NPAS3: variants seen among roughly 807,000 people sequenced by gnomAD.
NPAS3 encodes the protein neuronal PAS domain protein 3, also known as neuronal PAS domain-containing protein 3.
A neutral mutation model predicts 73.1 loss-of-function variants in NPAS3; 14 were observed. That is an observed-to-expected ratio of 0.19 (90% CI 0.13 to 0.30). The LOEUF is 0.30. NPAS3 is among the 10% of genes least tolerant of loss of function. The probability of loss-of-function intolerance (pLI) is 1.00; values close to 1 mark genes in which losing one functional copy is unlikely to be tolerated. For synonymous variants in NPAS3, 620 were observed against 541.5 expected (o/e 1.14, Z -2.01); for missense variants, 1,096 against 1,250.0 (o/e 0.88, Z 1.86).
chr14:33,201,730 T>C (rs568999567), intron 2 of NPAS3, among the ~76,000 whole-genome samples: 1 of 152,288 alleles, frequency 6.6e-6, no homozygotes, highest in African/African-American at 2.4e-5. Flanking sequence ...GGATTATAGG[T>C]TCTGATACTA....
intron 5 of NPAS3, among the ~76,000 whole-genome samples, chr14:33,657,789 T>TAAA (rs34461549): frequency 6.7e-6 from 1 of 149,564 alleles, no homozygotes; most frequent in Non-Finnish European, 1.5e-5. Context: ...GCAGATTATG[T>TAAA]AAAAAAAAAA....
intron 5 of NPAS3, 102 bp downstream of exon 5, chr14:33,560,312 A>T (rs533756945): frequency 1.5e-5 from 9 of 618,684 alleles, no homozygotes; most frequent in Middle Eastern, 5.2e-4. Context: ...TGAATTATCA[A>T]ATGTATTATT....
chr14:32,986,983 T>G (rs1405136842), intron 1 of NPAS3, among the ~76,000 whole-genome samples: 1 of 152,186 alleles, frequency 6.6e-6, no homozygotes, highest in Non-Finnish European at 1.5e-5. Context: ...CTGTTTTCAG[T>G]GCAGAGGGCT....
In NPAS3 at chr14:33,009,740, G is replaced by A. The variant is rs2039125569; in HGVS notation, c.51-46165G>A. ...TTCATTATAAAGGTGAGGAACCTAG[G>A]TTTAGAGAGATCACATAACTGGCCA... is the stretch of plus-strand genomic sequence containing the variant. On this transcript the variant is annotated intron_variant, in intron 1 of 11. Coordinates refer to ENST00000356141, the Ensembl canonical transcript of NPAS3. Among the ~76,000 whole-genome samples, 3 of 152,194 alleles carry A rather than the reference G, an allele frequency of 2.0e-5. No homozygotes were observed. The South Asian group carries it at 6.2e-4, about 32-fold the overall frequency.
chr14:33,700,748 A>T (rs2060503369), intron 6 of NPAS3, among the ~76,000 whole-genome samples: 1 of 152,244 alleles, frequency 6.6e-6, no homozygotes, highest in South Asian at 2.1e-4. Context: ...GGACTTATAA[A>T]GCAAGTGTGC....
At chr14:33,279,782 A>G (rs868043681) in intron 3 of NPAS3, among the ~76,000 whole-genome samples, 15 of 152,202 alleles carry the variant, frequency 9.9e-5, no homozygotes, top group Non-Finnish European at 1.9e-4. Flanking sequence ...GTCAGAATAC[A>G]AAGTATTCTA....
At chr14:33,652,803 C>T (rs1035798369) in intron 5 of NPAS3, among the ~76,000 whole-genome samples, 1 of 152,202 alleles carries the variant, frequency 6.6e-6, no homozygotes, top group African/African-American at 2.4e-5. Context: ...ACCAGGCCAC[C>T]TTTTGTCCAC....
Position 33,062,006 on chromosome 14 carries a change from G to A in NPAS3, c.140+6012G>A, listed in dbSNP as rs932150373. 2.6e-5 allele frequency among the ~76,000 whole-genome samples: 4 copies of A among 152,264 alleles called. No individual in the cohort carries two copies. The South Asian group carries it at 8.3e-4, about 32-fold the overall frequency. On this transcript the variant is annotated intron_variant, in intron 2 of 11. Transcript: ENST00000356141. ...GGTGTGGCAAATTGCAAAGGACACAGGCAGAAGTGGAGGGCTGGGGAACGG... is the reference window on the plus strand; with the variant it reads ...GGTGTGGCAAATTGCAAAGGACACAAGCAGAAGTGGAGGGCTGGGGAACGG...
chr14:33,606,537 A>G (rs1332077753), intron 5 of NPAS3, among the ~76,000 whole-genome samples: 2 of 149,714 alleles, frequency 1.3e-5, no homozygotes, highest in Non-Finnish European at 3.0e-5. Flanking sequence ...TGGGATATTC[A>G]TTCATATGCA....
intron 3 of NPAS3, among the ~76,000 whole-genome samples, chr14:33,278,172 G>A (rs914322948): frequency 2.5e-4 from 38 of 152,126 alleles, no homozygotes; most frequent in Admixed American, 3.9e-4. Context: ...GGAAACACAC[G>A]AGTTTGGAAT....
intron 2 of NPAS3, among the ~76,000 whole-genome samples, chr14:33,072,341 C>G (rs1473685802): frequency 6.6e-6 from 1 of 152,216 alleles, no homozygotes; most frequent in African/African-American, 2.4e-5. Flanking sequence ...TAGAAAACAA[C>G]TTCAGTTGTT....
At chr14:33,071,883 G>GT (rs964364861) in intron 2 of NPAS3, among the ~76,000 whole-genome samples, 5 of 151,840 alleles carry the variant, frequency 3.3e-5, no homozygotes, top group Admixed American at 2.6e-4. Flanking sequence ...GAGATTCTGT[G>GT]TTTTTTTTCT....
At chr14:33,053,863 A>G (rs2040794527) in intron 1 of NPAS3, among the ~76,000 whole-genome samples, 1 of 152,214 alleles carries the variant, frequency 6.6e-6, no homozygotes, top group Admixed American at 6.5e-5. Context: ...AGAGCCAGGT[A>G]ACATTGACTA....
intron 5 of NPAS3, among the ~76,000 whole-genome samples, chr14:33,587,071 C>A (rs922403589): frequency 6.6e-6 from 1 of 152,156 alleles, no homozygotes; most frequent in Non-Finnish European, 1.5e-5. Context: ...TTTCATTCTT[C>A]TTTTGCCTTA....
intron 3 of NPAS3, among the ~76,000 whole-genome samples, chr14:33,247,831 T>A (rs182375447): frequency 6.6e-6 from 1 of 152,360 alleles, no homozygotes; most frequent in Non-Finnish European, 1.5e-5. Context: ...AAGTGTGGGT[T>A]ACAAGATGAA....
chr14:33,312,121 G>A lies in NPAS3; in HGVS notation c.386-55065G>A, dbSNP rs76461637. Among the ~76,000 whole-genome samples, 1,440 of 152,192 alleles carry A rather than the reference G, an allele frequency of 9.5e-3. 85 individuals carry two copies. The East Asian group carries it at 0.14, about 15-fold the overall frequency. ...TCACATTATAACGTGGGTGTCATTA[G>A]GAGAGAATATTGAGCTATTAACAAA... On this transcript the variant is annotated intron_variant, in intron 3 of 11. Transcript: ENST00000356141.
At chr14:33,520,414 T>C (rs1205886354) in intron 4 of NPAS3, among the ~76,000 whole-genome samples, 1 of 152,116 alleles carries the variant, frequency 6.6e-6, no homozygotes, top group African/African-American at 2.4e-5. Context: ...AGGTTTGTTT[T>C]CTTTTTTTTA....
At chr14:33,541,264 T>A (rs2054506366) in intron 4 of NPAS3, among the ~76,000 whole-genome samples, 2 of 152,324 alleles carry the variant, frequency 1.3e-5, no homozygotes, top group Non-Finnish European at 2.9e-5. Context: ...CCTTTTAGTT[T>A]GTTTCTAGTC....
At chr14:32,948,967 C>A (rs1415244799) in intron 1 of NPAS3, among the ~76,000 whole-genome samples, 2 of 152,044 alleles carry the variant, frequency 1.3e-5, no homozygotes, top group African/African-American at 4.8e-5. Flanking sequence ...CGTTTTAATT[C>A]TTCGCTATGG....
Sources: gnomAD v4.1 joint callset for allele counts (sites outside exome capture counted in the v4.1 genomes callset) on GRCh38, gnomAD v4.1.1 for gene constraint, MANE v1.5 for transcripts, NCBI Gene and HGNC (gene_info 2026-07-23, HGNC 2026-07-21) for gene names.